The following FOXN3 variants were observed in gnomAD, a reference collection of about 807,000 sequenced individuals.
FOXN3 encodes forkhead box protein N3.
A neutral mutation model predicts 38.4 loss-of-function variants in FOXN3; 7 were observed. That is an observed-to-expected ratio of 0.18 (90% CI 0.10 to 0.34). The LOEUF (loss-of-function observed/expected upper bound fraction) is 0.34, where lower values mean the gene tolerates loss of function less well. Among genes scored for constraint, FOXN3 ranks in the 10% least tolerant of loss-of-function variants. FOXN3 has a pLI of 1.00. For missense variants in FOXN3, 456 were observed against 613.4 expected (o/e 0.74, Z 2.71); for synonymous variants, 230 against 242.2 (o/e 0.95, Z 0.47).
rs1887149878 is a variant in FOXN3 at position 89,163,107 on chromosome 14, T to G, written c.852-138A>C. On this transcript the variant is annotated intron_variant, in intron 5 of 5. Transcript: ENST00000557258. The surrounding 1 kb of genome is among the most constrained non-coding windows in gnomAD (Gnocchi z 4.3). ...GTTCAATGGAGCCACTCGCAAACTG[T>G]GGGGGCAACAGGTGGATCTGCTTTG... 2.7e-6 allele frequency: 2 copies of G among 749,480 alleles called. No individual in the cohort carries two copies. Among genetic ancestry groups the G allele is most frequent in the Non-Finnish European group, 4.0e-6 (2 of 500,218 alleles). The allele number at this position is 749,480 out of a possible 1,614,324, so 46.4% of individuals were successfully genotyped here. A position where few individuals can be genotyped will look rare whatever the true frequency, so the allele number is the denominator to read the frequency against.
chr14:89,213,050 CCATCTGGG>C (rs2139833542), intron 4 of FOXN3, among the ~76,000 whole-genome samples: 1 of 152,274 alleles, frequency 6.6e-6, no homozygotes, highest in South Asian at 2.1e-4. Context: ...CATAGAGATA[CCATCTGGG>C]CATGCTCCTG....
intron 3 of FOXN3, among the ~76,000 whole-genome samples, chr14:89,316,719 G>C (rs1347804194): frequency 6.7e-6 from 1 of 148,864 alleles, no homozygotes; most frequent in Non-Finnish European, 1.5e-5. Context: ...AGGCTGGAGT[G>C]CAATGGTGCG....
At chr14:89,601,337 A>G (rs555532219) in intron 1 of FOXN3, among the ~76,000 whole-genome samples, 38 of 152,352 alleles carry the variant, frequency 2.5e-4, no homozygotes, top group African/African-American at 9.1e-4. Flanking sequence ...AATTTGCCAC[A>G]TGCATTGTGT....
At chr14:89,610,877 T>C (rs242763) in intron 1 of FOXN3, among the ~76,000 whole-genome samples, 122,640 of 152,128 alleles carry the variant, frequency 0.81, 54,648 homozygotes, top group East Asian at 1. Flanking sequence ...TGATTGATCT[T>C]TTAAAATAAT....
At chr14:89,481,041 TA>T (rs1371216635) in intron 1 of FOXN3, among the ~76,000 whole-genome samples, 1 of 152,040 alleles carries the variant, frequency 6.6e-6, no homozygotes, top group East Asian at 1.9e-4. Flanking sequence ...GATGGCTTTT[TA>T]TTTGATAATA....
intron 2 of FOXN3, among the ~76,000 whole-genome samples, chr14:89,376,372 C>G (rs75770195): frequency 0.036 from 5,515 of 152,252 alleles, 363 homozygotes; most frequent in African/African-American, 0.13. Context: ...TAGTCACAGA[C>G]AGATATTTAT....
rs141884636 is a variant in FOXN3 at position 89,207,730 on chromosome 14, C to T, written c.746-26924G>A. ...AAAAATGGTAGCAAAATATACTAAA[C>T]GTACTGTACCAGATGTGGAATGTAC... On this transcript the variant is annotated intron_variant, in intron 4 of 5. Coordinates refer to ENST00000557258, the MANE Select transcript of FOXN3 (RefSeq NM_005197.4). Among the ~76,000 whole-genome samples the T allele has an allele frequency of 1.3e-3, 202 of 152,220 alleles. 1 individual carries two copies. Among genetic ancestry groups the T allele is most frequent in the Non-Finnish European group, 2.4e-3 (161 of 68,030 alleles).
intron 1 of FOXN3, among the ~76,000 whole-genome samples, chr14:89,591,849 C>A (rs1313533260): frequency 6.6e-6 from 1 of 152,084 alleles, no homozygotes; most frequent in Non-Finnish European, 1.5e-5. Flanking sequence ...CACCTGAGCC[C>A]AGGAATTTGG....
chr14:89,363,947 A>AATATATAT (rs67802765), intron 2 of FOXN3, among the ~76,000 whole-genome samples: 57 of 111,324 alleles, frequency 5.1e-4, no homozygotes, highest in African/African-American at 1.7e-3. Flanking sequence ...CTGTCTGTAA[A>AATATATAT]ATATATATAT....
At chr14:89,576,030 G>A (rs1029862924) in intron 1 of FOXN3, among the ~76,000 whole-genome samples, 1 of 152,132 alleles carries the variant, frequency 6.6e-6, no homozygotes, top group South Asian at 2.1e-4. Context: ...CGCTGACATC[G>A]TAAGTGACTT....
chr14:89,508,315 G>C (rs1472670418), intron 1 of FOXN3, among the ~76,000 whole-genome samples: 9 of 152,182 alleles, frequency 5.9e-5, no homozygotes, highest in Admixed American at 5.9e-4. Context: ...TGTGCACACA[G>C]AGAAGGCAGC....
chr14:89,619,161 C>G (rs1004401038), upstream of FOXN3: 2 of 150,548 alleles, frequency 1.3e-5, no homozygotes, highest in Non-Finnish European at 3.0e-5. Flanking sequence ...GCCGGAACCC[C>G]GGCTCCTGCG....
Position 89,280,902 on chromosome 14 carries a change from C to T in FOXN3, c.745+48G>A, listed in dbSNP as rs769267533. 3.2e-5 allele frequency: 48 copies of T among 1,485,180 alleles called. 2 individuals are homozygous for T. Among genetic ancestry groups the T allele is most frequent in the South Asian group, 2.9e-4 (25 of 86,702 alleles). 92.0% of individuals were successfully genotyped at this position (1,485,180 alleles called of 1,614,324 possible). ...CCAAGCACAAAGGAGTGATGAAAGG[C>T]GGGTGGGTGAGGGGGAGGGAGAGGA... On this transcript the variant is annotated intron_variant, in intron 4 of 5. Coordinates refer to ENST00000557258, the MANE Select transcript of FOXN3 (RefSeq NM_005197.4).
intron 1 of FOXN3, among the ~76,000 whole-genome samples, chr14:89,464,626 C>T (rs1369258944): frequency 6.6e-6 from 1 of 152,110 alleles, no homozygotes; most frequent in East Asian, 1.9e-4. Context: ...CCCCATGTGT[C>T]ACGGGAGGGA....
intron 1 of FOXN3, among the ~76,000 whole-genome samples, chr14:89,471,841 C>T (rs1893101834): frequency 6.6e-6 from 1 of 152,202 alleles, no homozygotes; most frequent in Non-Finnish European, 1.5e-5. Context: ...TCGTCATTTG[C>T]ACCTTTCCCT....
At chr14:89,221,964 AGGCGCCCGCCAC>A (rs1884479656) in intron 4 of FOXN3, among the ~76,000 whole-genome samples, 1 of 152,070 alleles carries the variant, frequency 6.6e-6, no homozygotes, top group South Asian at 2.1e-4. Context: ...CTGGGACTAC[AGGCGCCCGCCAC>A]GGCGCCCGGC....
At chr14:89,305,813 A>T (rs978504147) in intron 3 of FOXN3, among the ~76,000 whole-genome samples, 4 of 152,222 alleles carry the variant, frequency 2.6e-5, no homozygotes, top group African/African-American at 9.6e-5. Flanking sequence ...TCTGCAGTGC[A>T]TTGTCACAGG....
intron 1 of FOXN3, among the ~76,000 whole-genome samples, chr14:89,602,976 C>CGA (rs1896183491): frequency 6.6e-6 from 1 of 152,022 alleles, no homozygotes; most frequent in Non-Finnish European, 1.5e-5. Flanking sequence ...ATGAAGTTTC[C>CGA]GAGAGGAAAT....
chr14:89,552,615 T>C (rs955869253), intron 1 of FOXN3, among the ~76,000 whole-genome samples: 5 of 152,138 alleles, frequency 3.3e-5, no homozygotes, highest in African/African-American at 1.2e-4. Flanking sequence ...TCCCAACACT[T>C]TGGGAGGCCG....
Sources: gnomAD v4.1 joint callset for allele counts (sites outside exome capture counted in the v4.1 genomes callset) on GRCh38, gnomAD v4.1.1 for gene constraint, Gnocchi (gnomAD v3.1) non-coding constraint, MANE v1.5 for transcripts, NCBI Gene and HGNC (gene_info 2026-07-23, HGNC 2026-07-21) for gene names.